Variants in SETBP1 observed in about 807,000 individuals in gnomAD.
SETBP1 encodes the protein SET binding protein 1.
A neutral mutation model predicts 101.0 loss-of-function variants in SETBP1; 9 were observed. The observed-to-expected ratio is 0.09, with a 90% confidence interval of 0.05 to 0.16. SETBP1 has a LOEUF of 0.16. Among genes scored for constraint, SETBP1 ranks in the 10% least tolerant of loss-of-function variants. The probability of loss-of-function intolerance (pLI) is 1.00; values close to 1 mark genes in which losing one functional copy is unlikely to be tolerated. For synonymous variants in SETBP1, 818 were observed against 788.5 expected (o/e 1.04, Z -0.63); for missense variants, 1,858 against 2,033.8 (o/e 0.91, Z 1.66).
At chr18:44,993,281 A>G (rs1486941295) in intron 4 of SETBP1, among the ~76,000 whole-genome samples, 1 of 152,102 alleles carries the variant, frequency 6.6e-6, no homozygotes, top group Non-Finnish European at 1.5e-5. Flanking sequence ...ACATCTATTC[A>G]AAGTTACATT....
chr18:45,056,553 G>T (rs1167868171), intron 5 of SETBP1, among the ~76,000 whole-genome samples: 4 of 152,220 alleles, frequency 2.6e-5, no homozygotes, highest in Non-Finnish European at 5.9e-5. Flanking sequence ...TCAGTAAATT[G>T]TCTGGCTTCC....
chr18:44,793,948 A>G (rs933277400), intron 2 of SETBP1, among the ~76,000 whole-genome samples: 6 of 152,228 alleles, frequency 3.9e-5, no homozygotes, highest in African/African-American at 1.4e-4. Context: ...GAATATGTTA[A>G]TTGCAAAAAG....
In SETBP1 at chr18:44,740,722, T is replaced by A. The variant is rs532139691; in HGVS notation, c.486+38890T>A. 3.9e-5 allele frequency among the ~76,000 whole-genome samples: 6 copies of A among 152,314 alleles called. No homozygotes were observed. The East Asian group carries it at 5.8e-4, about 15-fold the overall frequency. The stretch of plus-strand genomic sequence containing the variant: ...TATTTGTGGAAAAGCATTTGTGGGA[T>A]GAGTTTGTAGAGTGTAGAATGGAGG... On this transcript the variant is annotated intron_variant, in intron 2 of 5. Transcript: ENST00000649279.
At chr18:44,690,658 T>G (rs2068915188) in intron 1 of SETBP1, among the ~76,000 whole-genome samples, 2 of 152,236 alleles carry the variant, frequency 1.3e-5, no homozygotes, top group East Asian at 1.9e-4. Context: ...CAGACACAAC[T>G]GCCCCTGTGA....
chr18:44,933,692 T>G (rs997702344), intron 3 of SETBP1, among the ~76,000 whole-genome samples: 1 of 152,182 alleles, frequency 6.6e-6, no homozygotes, highest in Non-Finnish European at 1.5e-5. Context: ...TGCAGTTTGA[T>G]CTCAGACTGT....
At chr18:44,936,524 C>T (rs956665811) in intron 3 of SETBP1, among the ~76,000 whole-genome samples, 2 of 152,144 alleles carry the variant, frequency 1.3e-5, no homozygotes, top group African/African-American at 4.8e-5. Flanking sequence ...AATTGAAAAT[C>T]CAGTTTTTAT....
At chr18:44,863,508 T>C (rs943546849) in intron 2 of SETBP1, among the ~76,000 whole-genome samples, 1 of 152,230 alleles carries the variant, frequency 6.6e-6, no homozygotes, top group African/African-American at 2.4e-5. Flanking sequence ...AACTTTTTTA[T>C]GGGTTGAAAG....
chr18:44,867,118 T>C (rs1309795411), intron 2 of SETBP1, among the ~76,000 whole-genome samples: 1 of 152,254 alleles, frequency 6.6e-6, no homozygotes, highest in African/African-American at 2.4e-5. Flanking sequence ...TTCGTAAGTC[T>C]CAATTTTCCC....
At chr18:44,894,618 T>C (rs1055972573) in intron 3 of SETBP1, among the ~76,000 whole-genome samples, 1 of 152,106 alleles carries the variant, frequency 6.6e-6, no homozygotes, top group African/African-American at 2.4e-5. Context: ...GAATATGATA[T>C]GTTGTAGACT....
chr18:44,882,856 A>G (rs1431631902), intron 3 of SETBP1, among the ~76,000 whole-genome samples: 1 of 152,178 alleles, frequency 6.6e-6, no homozygotes, highest in African/African-American at 2.4e-5. Flanking sequence ...TTCCCTAAAA[A>G]GAGGTACTTC....
intron 2 of SETBP1, among the ~76,000 whole-genome samples, chr18:44,779,590 A>G (rs1041852738): frequency 2.0e-5 from 3 of 152,246 alleles, no homozygotes; most frequent in Non-Finnish European, 4.4e-5. Context: ...GAAGAGAGAA[A>G]GGGAGAGCGA....
At chr18:44,869,357 T>G (rs2069216105) in intron 3 of SETBP1, 74 bp downstream of exon 3, 1 of 1,378,326 alleles carries the variant, frequency 7.3e-7, no homozygotes, top group Non-Finnish European at 1.0e-6. Context: ...ACAAGCACCT[T>G]TGGGGCCAGG....
intron 4 of SETBP1, among the ~76,000 whole-genome samples, chr18:45,031,799 A>G (rs2073302781): frequency 6.6e-6 from 1 of 152,200 alleles, no homozygotes; most frequent in African/African-American, 2.4e-5. Context: ...TAAGTATGAA[A>G]CAGGAGGTAT....
intron 4 of SETBP1, among the ~76,000 whole-genome samples, chr18:44,968,371 A>G (rs1294157013): frequency 1.3e-5 from 2 of 152,208 alleles, no homozygotes; most frequent in Non-Finnish European, 2.9e-5. Context: ...AAAAGCAAAT[A>G]TAATAATTAA....
intron 4 of SETBP1, among the ~76,000 whole-genome samples, chr18:44,991,999 A>G (rs1328633043): frequency 6.6e-6 from 1 of 152,168 alleles, no homozygotes; most frequent in African/African-American, 2.4e-5. Context: ...GCCCCAAATC[A>G]TTGGAAGTTA....
chr18:44,731,127 G>T (rs1396892865), intron 2 of SETBP1, among the ~76,000 whole-genome samples: 1 of 152,134 alleles, frequency 6.6e-6, no homozygotes, highest in Non-Finnish European at 1.5e-5. Context: ...TGACATGGCT[G>T]ACTTGTACTT....
intron 5 of SETBP1, among the ~76,000 whole-genome samples, chr18:45,049,189 T>C (rs1411906916): frequency 6.6e-6 from 1 of 152,054 alleles, no homozygotes; most frequent in Non-Finnish European, 1.5e-5. Flanking sequence ...ACTAAGAGAT[T>C]CTCTTTTGGG....
chr18:44,778,835 C>T (rs945049462), intron 2 of SETBP1, among the ~76,000 whole-genome samples: 1 of 152,256 alleles, frequency 6.6e-6, no homozygotes, highest in South Asian at 2.1e-4. Flanking sequence ...TCCCCTGAAG[C>T]CCCTGCAGGA....
chr18:44,954,891 T>A (rs980560367), intron 4 of SETBP1, among the ~76,000 whole-genome samples: 1 of 152,214 alleles, frequency 6.6e-6, no homozygotes, highest in African/African-American at 2.4e-5. Context: ...GAAACTGATC[T>A]CTTTCAGCAT....
Sources: gnomAD v4.1 joint callset for allele counts (sites outside exome capture counted in the v4.1 genomes callset) on GRCh38, gnomAD v4.1.1 for gene constraint, MANE v1.5 for transcripts, NCBI Gene and HGNC (gene_info 2026-07-23, HGNC 2026-07-21) for gene names.